Variants in CADM2 observed in about 807,000 individuals in gnomAD.
CADM2 encodes cell adhesion molecule 2.
In CADM2, 12 loss-of-function variants were observed where a neutral mutation model predicts 49.8. The observed-to-expected ratio is 0.24, with a 90% confidence interval of 0.15 to 0.39. The LOEUF (loss-of-function observed/expected upper bound fraction) is 0.39, where lower values mean the gene tolerates loss of function less well. Among genes scored for constraint, CADM2 ranks in the 10% least tolerant of loss-of-function variants. The pLI is 1.00. For synonymous variants in CADM2, 214 were observed against 175.4 expected (o/e 1.22, Z -1.74); for missense variants, 378 against 492.3 (o/e 0.77, Z 2.20).
chr3:85,835,754 TATATA>T (rs1474384302), intron 3 of CADM2, among the ~76,000 whole-genome samples: 10 of 125,628 alleles, frequency 8.0e-5, no homozygotes, highest in African/African-American at 2.3e-4. Context: ...ATGTATATAA[TATATA>T]ATATAATATA....
chr3:85,714,688 C>A (rs2107747058), intron 1 of CADM2, among the ~76,000 whole-genome samples: 1 of 152,172 alleles, frequency 6.6e-6, no homozygotes, highest in South Asian at 2.1e-4. Context: ...CCTCAGCCTC[C>A]CAAAGTGCTG....
At chr3:85,032,660 A>G (rs989645639) in intron 1 of CADM2, among the ~76,000 whole-genome samples, 2 of 152,150 alleles carry the variant, frequency 1.3e-5, no homozygotes, top group African/African-American at 4.8e-5. Context: ...GCATTCTTAT[A>G]TTAAGAATTG....
chr3:85,554,920 T>C (rs1294476250), intron 1 of CADM2, among the ~76,000 whole-genome samples: 1 of 151,640 alleles, frequency 6.6e-6, no homozygotes, highest in Middle Eastern at 3.2e-3. Flanking sequence ...CTCACTTTGT[T>C]GCCAGGGCTG....
chr3:85,769,999 CA>C (rs140871610), intron 2 of CADM2, among the ~76,000 whole-genome samples: 29 of 151,278 alleles, frequency 1.9e-4, no homozygotes, highest in Admixed American at 5.9e-4. Flanking sequence ...AAAAAACAAA[CA>C]AAAAAAACAG....
chr3:85,359,443 G>T (rs2032144524), intron 1 of CADM2, among the ~76,000 whole-genome samples: 1 of 151,116 alleles, frequency 6.6e-6, no homozygotes, highest in Non-Finnish European at 1.5e-5. Flanking sequence ...ACATCTGTTG[G>T]AAATCAGGTA....
chr3:85,267,971 A>T (rs145585807), intron 1 of CADM2, among the ~76,000 whole-genome samples: 20 of 151,806 alleles, frequency 1.3e-4, no homozygotes, highest in African/African-American at 4.8e-4. Context: ...ATTAGGCACT[A>T]TGTAAATGCC....
chr3:85,801,896 T>C, intron 2 of CADM2, 151 bp from the exon 3 acceptor site: 1 of 576,750 alleles, frequency 1.7e-6, no homozygotes, highest in Non-Finnish European at 2.8e-6. Flanking sequence ...GATTTTCAAT[T>C]ATTTTTCTGT....
At chr3:85,637,988 G>A (rs1479212128) in intron 1 of CADM2, among the ~76,000 whole-genome samples, 1 of 152,162 alleles carries the variant, frequency 6.6e-6, no homozygotes, top group African/African-American at 2.4e-5. Flanking sequence ...TATGAACAAG[G>A]GGGTTTATAA....
At chr3:85,587,030 T>C (rs757179696) in intron 1 of CADM2, among the ~76,000 whole-genome samples, 1 of 152,066 alleles carries the variant, frequency 6.6e-6, no homozygotes, top group Non-Finnish European at 1.5e-5. Flanking sequence ...GATAAAGTTA[T>C]TTTGGTGTCA....
At chr3:85,504,943 G>T (rs1246421166) in intron 1 of CADM2, among the ~76,000 whole-genome samples, 1 of 152,098 alleles carries the variant, frequency 6.6e-6, no homozygotes, top group African/African-American at 2.4e-5. Context: ...ATTGCCCGGG[G>T]CCGGCAGGGC....
At chr3:85,442,130 G>A (rs537652381) in intron 1 of CADM2, among the ~76,000 whole-genome samples, 1 of 152,128 alleles carries the variant, frequency 6.6e-6, no homozygotes, top group Admixed American at 6.6e-5. Flanking sequence ...ATACTGCAAA[G>A]AAGTTTTTAT....
chr3:85,342,598 GC>G (rs1418488746), intron 1 of CADM2, among the ~76,000 whole-genome samples: 1 of 152,112 alleles, frequency 6.6e-6, no homozygotes, highest in East Asian at 1.9e-4. Context: ...TTCTCTGCAT[GC>G]CTTGTGGGAT....
At chr3:85,000,905 G>A (rs868324038) in intron 1 of CADM2, among the ~76,000 whole-genome samples, 8 of 151,950 alleles carry the variant, frequency 5.3e-5, no homozygotes, top group African/African-American at 1.9e-4. Context: ...AGAAAACAAA[G>A]TAAATGGCTT....
At chr3:85,260,948 C>T (rs890220494) in intron 1 of CADM2, among the ~76,000 whole-genome samples, 6 of 152,128 alleles carry the variant, frequency 3.9e-5, no homozygotes, top group Non-Finnish European at 5.9e-5. Context: ...TACAATTAGC[C>T]GTGACTCCTG....
intron 3 of CADM2, among the ~76,000 whole-genome samples, chr3:85,851,245 A>G (rs777778975): frequency 2.0e-5 from 3 of 152,176 alleles, no homozygotes; most frequent in Non-Finnish European, 4.4e-5. Flanking sequence ...GACAGTTGTG[A>G]CATTTTACAA....
intron 1 of CADM2, among the ~76,000 whole-genome samples, chr3:85,657,883 A>T (rs1052763361): frequency 6.6e-6 from 1 of 151,558 alleles, no homozygotes; most frequent in South Asian, 2.1e-4. Context: ...GTAATTGCAG[A>T]TGTAATTGGT....
rs532321215 is a variant in CADM2, at chr3:85,515,291, T to G, written c.62-211231T>G. On this transcript the variant is annotated intron_variant, in intron 1 of 9. Coordinates refer to ENST00000383699, the MANE Select transcript of CADM2 (RefSeq NM_001167675.2). Reference sequence around the variant, plus strand: ...AATGTAACATCACCTTTTAGATTAGTTAACAAAGATAACATCGCCATTAGA... The same window carrying G: ...AATGTAACATCACCTTTTAGATTAGGTAACAAAGATAACATCGCCATTAGA... 7.9e-5 allele frequency among the ~76,000 whole-genome samples: 12 copies of G among 152,286 alleles called. No homozygotes were observed. The South Asian group carries it at 2.3e-3, about 29-fold the overall frequency.
Position 85,054,062 on chromosome 3 carries a change from G to A in CADM2, c.61+94394G>A, listed in dbSNP as rs141756771. On this transcript the variant is annotated intron_variant, in intron 1 of 9. Transcript: ENST00000383699. ...CTTAAGAAGTGTATCCTTAAAATTT[G>A]TTGTCATCAGTATTTACCGAGAGCC... 1.7e-3 allele frequency among the ~76,000 whole-genome samples: 253 copies of A among 151,938 alleles called. 1 individual carries two copies. Among genetic ancestry groups the A allele is most frequent in the African/African-American group, 5.8e-3 (239 of 41,522 alleles).
chr3:85,158,113 G>A (rs1313548556), intron 1 of CADM2, among the ~76,000 whole-genome samples: 1 of 152,210 alleles, frequency 6.6e-6, no homozygotes, highest in Non-Finnish European at 1.5e-5. Flanking sequence ...CTGGCCATCA[G>A]AGAAATGCAA....
Sources: allele counts gnomAD v4.1 joint callset (sites outside exome capture counted in the v4.1 genomes callset), GRCh38; gene constraint gnomAD v4.1.1; transcripts MANE v1.5; gene names NCBI Gene and HGNC (gene_info 2026-07-23, HGNC 2026-07-21).